Variants in MYH15 observed in about 807,000 individuals in gnomAD.
The protein encoded by MYH15 is myosin-15.
A neutral mutation model predicts 240.5 loss-of-function variants in MYH15; 227 were observed. That is an observed-to-expected ratio of 0.94 (90% CI 0.85 to 1.05). MYH15 has a LOEUF of 1.05. Ranked by LOEUF, MYH15 falls within the 50% of genes least tolerant of loss-of-function variation. The pLI, the probability that MYH15 is intolerant of heterozygous loss-of-function variation, is 0.00. For missense variants in MYH15, 2,217 were observed against 2,247.5 expected (o/e 0.99, Z 0.27); for synonymous variants, 785 against 796.7 (o/e 0.99, Z 0.25).
At position 108,449,483 on chromosome 3, in the gene MYH15, T is replaced by C. The variant is rs572156438; in HGVS notation, c.2399+4523A>G. Among the ~76,000 whole-genome samples the C allele has an allele frequency of 1.4e-4, 21 of 152,114 alleles. No homozygotes were observed. In the East Asian group the frequency reaches 3.3e-3, roughly 24 times the overall value. On this transcript the variant is annotated intron_variant, in intron 21 of 40. Transcript: ENST00000693548. ...ATAAAGTTGCCAAAAACACACAGTA[T>C]GGAAAGGACAGTCTTTTCAATAAAT...
rs938302916 is a variant in MYH15, at chr3:108,483,139, G to A, written c.1114+1952C>T. Among the ~76,000 whole-genome samples the A allele has an allele frequency of 1.6e-4, 24 of 150,304 alleles. No homozygotes were observed. In the Admixed American group the frequency reaches 1.6e-3, roughly 10 times the overall value. ...CGCTTGAACCTGGGAAGCAGAAGTT[G>A]CAGTGAGCTGATATTGCCCCCCTGT... On this transcript the variant is annotated intron_variant, in intron 11 of 40. Transcript: ENST00000693548.
chr3:108,471,911 A>G (rs1390988108), intron 12 of MYH15, among the ~76,000 whole-genome samples: 1 of 152,238 alleles, frequency 6.6e-6, no homozygotes, highest in East Asian at 1.9e-4. Context: ...TGTAGCTGCT[A>G]TAAATTGTGT....
chr3:108,385,647 A>T (rs2082378158), intron 38 of MYH15, among the ~76,000 whole-genome samples: 1 of 152,196 alleles, frequency 6.6e-6, no homozygotes, highest in African/African-American at 2.4e-5. Flanking sequence ...AAAATATCTC[A>T]ATTTGCTCAG....
At chr3:108,445,934 A>C (rs1476807251) in intron 21 of MYH15, among the ~76,000 whole-genome samples, 3 of 152,180 alleles carry the variant, frequency 2.0e-5, no homozygotes, top group Non-Finnish European at 4.4e-5. Context: ...TATTAGAAAT[A>C]CTGGGGAAAA....
chr3:108,470,487 G>T (rs1217991956), intron 13 of MYH15, among the ~76,000 whole-genome samples: 1 of 151,872 alleles, frequency 6.6e-6, no homozygotes, highest in Non-Finnish European at 1.5e-5. Flanking sequence ...CTTTATGTAA[G>T]CCAGAATTAA....
chr3:108,436,434 A>G (rs2082837070), intron 25 of MYH15, among the ~76,000 whole-genome samples: 1 of 152,252 alleles, frequency 6.6e-6, no homozygotes, highest in African/African-American at 2.4e-5. Flanking sequence ...AAGAGCATGT[A>G]TAATAGCATA....
In MYH15 at chr3:108,510,577, C is replaced by G; in HGVS notation, c.-47G>C. The G allele has an allele frequency of 6.3e-7, 1 of 1,578,294 alleles. No individual in the cohort carries two copies. Reference sequence around the variant, plus strand: ...AAAAAAGGCCCTAAACGTGAGTAGGCAAGATTCAACCTGAAAAAAAAAAAT... The same window carrying G: ...AAAAAAGGCCCTAAACGTGAGTAGGGAAGATTCAACCTGAAAAAAAAAAAT... On this transcript the variant is annotated 5_prime_UTR_variant, in exon 1 of 41. Coordinates refer to ENST00000693548, the MANE Select transcript of MYH15 (RefSeq NM_014981.3).
intron 21 of MYH15, among the ~76,000 whole-genome samples, chr3:108,450,733 G>A (rs1272074363): frequency 6.6e-6 from 1 of 152,142 alleles, no homozygotes; most frequent in East Asian, 1.9e-4. Context: ...TTTGTAAGGT[G>A]ATGATTAATC....
At chr3:108,502,980 TC>T (rs2083449737) in intron 2 of MYH15, among the ~76,000 whole-genome samples, 1 of 152,136 alleles carries the variant, frequency 6.6e-6, no homozygotes, top group South Asian at 2.1e-4. Flanking sequence ...TTTCCAACTT[TC>T]ATCAATAAGT....
chr3:108,488,683 C>T (rs2083323753), intron 9 of MYH15, among the ~76,000 whole-genome samples: 1 of 152,106 alleles, frequency 6.6e-6, no homozygotes, highest in South Asian at 2.1e-4. Context: ...ATCCAGTCAT[C>T]CTTCATGGAC....
chr3:108,479,811 A>T (rs958621386), intron 11 of MYH15, among the ~76,000 whole-genome samples: 1 of 152,230 alleles, frequency 6.6e-6, no homozygotes, highest in Admixed American at 6.5e-5. Context: ...ATTCTGTCCC[A>T]GTTCAGTCCC....
At chr3:108,446,724 T>C (rs1175432878) in intron 21 of MYH15, among the ~76,000 whole-genome samples, 2 of 143,350 alleles carry the variant, frequency 1.4e-5, no homozygotes, top group Admixed American at 7.0e-5. Flanking sequence ...CTAGCCAAGA[T>C]GTCTGGTGAA....
chr3:108,408,414 G>C lies in MYH15; in HGVS notation c.4496-10C>G, dbSNP rs1252070541. 1 of 1,602,030 alleles carries C rather than the reference G, an allele frequency of 6.2e-7. No individual in the cohort carries two copies. Among genetic ancestry groups the C allele is most frequent in the South Asian group, 1.1e-5 (1 of 88,868 alleles). On this transcript the variant is annotated splice_polypyrimidine_tract_variant and intron_variant, in intron 31 of 40. Transcript: ENST00000693548. ...AGATTAGAAATCTCTTCTGGAGACAGAGGTAAGAAAAACAAAGTTAGTGAA... is the reference window on the plus strand; with the variant it reads ...AGATTAGAAATCTCTTCTGGAGACACAGGTAAGAAAAACAAAGTTAGTGAA...
At position 108,476,409 on chromosome 3, in the gene MYH15, T is replaced by C. The variant is rs1560409005; in HGVS notation, c.1221A>G (p.Gln407=). ...AATATCACCTTACCTGTTCTATAGTTTGACCTCTGGTAACATATTCGTTAC... is the reference window on the plus strand; with the variant it reads ...AATATCACCTTACCTGTTCTATAGTCTGACCTCTGGTAACATATTCGTTAC... ...KVGNEYVTRG[Q]TIEQVTCAVG... is the part of the protein sequence containing the mutation. Residue 407 remains glutamine (Q), a synonymous_variant, in exon 12 of 41, where the codon CAA becomes CAG. Coordinates refer to ENST00000693548, the MANE Select transcript of MYH15 (RefSeq NM_014981.3). 1 of 1,590,390 alleles carries C rather than the reference T, an allele frequency of 6.3e-7. No individual in the cohort carries two copies. The highest frequency in any genetic ancestry group is 1.7e-5 in the Admixed American group (1 of 59,894).
At chr3:108,529,140 C>T (rs1375140049) in intron 1 of MYH15, 8 of 803,752 alleles carry the variant, frequency 1.0e-5, no homozygotes, top group South Asian at 2.0e-5. Flanking sequence ...TATTTTTATA[C>T]TATCATGTAG....
chr3:108,460,198 C>CT, intron 17 of MYH15, 102 bp downstream of exon 17: 1 of 1,050,798 alleles, frequency 9.5e-7, no homozygotes, highest in Non-Finnish European at 1.3e-6. Context: ...TTGCTAGCTC[C>CT]TGATACTTTA....
chr3:108,459,938 G>A (rs1261624849), intron 17 of MYH15, among the ~76,000 whole-genome samples: 5 of 152,142 alleles, frequency 3.3e-5, no homozygotes, highest in East Asian at 1.9e-4. Context: ...CTGTAAACAC[G>A]AATGCACCAA....
intron 1 of MYH15, among the ~76,000 whole-genome samples, chr3:108,507,226 AAT>A (rs147101810): frequency 0.034 from 3,305 of 97,316 alleles, 106 homozygotes; most frequent in Non-Finnish European, 0.044. Context: ...AAGGAAAATG[AAT>A]ATATATATAT....
intron 35 of MYH15, among the ~76,000 whole-genome samples, chr3:108,397,729 A>G (rs975625950): frequency 2.0e-5 from 3 of 152,220 alleles, no homozygotes; most frequent in Non-Finnish European, 1.5e-5. Context: ...TAGAAGCCAG[A>G]GTCCAGACGG....
Sources: gnomAD v4.1 joint callset for allele counts (sites outside exome capture counted in the v4.1 genomes callset) on GRCh38, gnomAD v4.1.1 for gene constraint, MANE v1.5 for transcripts, NCBI Gene and HGNC (gene_info 2026-07-23, HGNC 2026-07-21) for gene names.